Variants in TEK observed in about 807,000 individuals in gnomAD.
TEK encodes TEK receptor tyrosine kinase.
In TEK, 43 loss-of-function variants were observed where a neutral mutation model predicts 131.8. That is an observed-to-expected ratio of 0.33 (90% CI 0.26 to 0.42). TEK has a LOEUF of 0.42. Among genes scored for constraint, TEK ranks in the 10% least tolerant of loss-of-function variants. The probability of loss-of-function intolerance (pLI) is 1.00; values close to 1 mark genes in which losing one functional copy is unlikely to be tolerated. For synonymous variants in TEK, 580 were observed against 491.6 expected (o/e 1.18, Z -2.38); for missense variants, 1,162 against 1,384.4 (o/e 0.84, Z 2.55).
At chr9:27,113,100 A>T (rs17756454) in intron 1 of TEK, among the ~76,000 whole-genome samples, 4,936 of 152,336 alleles carry the variant, frequency 0.032, 99 homozygotes, top group Middle Eastern at 0.058. Flanking sequence ...AACAGCGAAC[A>T]TAGCAGGCAA....
intron 22 of TEK, among the ~76,000 whole-genome samples, chr9:27,228,832 A>T (rs1424101873): frequency 1.3e-5 from 2 of 151,782 alleles, no homozygotes; most frequent in Non-Finnish European, 2.9e-5. Flanking sequence ...ACAGATGTGA[A>T]AATGAGATTC....
intron 17 of TEK, 84 bp from the exon 18 acceptor site, chr9:27,213,400 A>ATTGT (rs1240067655): frequency 2.0e-6 from 2 of 976,136 alleles, no homozygotes; most frequent in Admixed American, 1.8e-5. Flanking sequence ...TTTTTATACT[A>ATTGT]TTGTTTTCTT....
At chr9:27,227,346 C>T (rs1826379292) in intron 21 of TEK, among the ~76,000 whole-genome samples, 1 of 152,138 alleles carries the variant, frequency 6.6e-6, no homozygotes. Context: ...ACGTGTTGTG[C>T]AAGATATAAA....
intron 1 of TEK, among the ~76,000 whole-genome samples, chr9:27,119,562 G>A (rs1821701101): frequency 6.6e-6 from 1 of 152,266 alleles, no homozygotes; most frequent in Admixed American, 6.5e-5. Context: ...AGGTGAGAGA[G>A]GCTTACACCT....
Position 27,109,640 on chromosome 9 carries a change from C to G in TEK, c.50C>G (p.Ser17Cys), listed in dbSNP as rs149096702. 5.4e-5 allele frequency: 87 copies of G among 1,614,086 alleles called. No homozygotes were observed. In the African/African-American group the frequency reaches 1.0e-3, roughly 19 times the overall value. Residue 17 changes from serine to cysteine, a missense_variant and splice_region_variant, in exon 1 of 23, where the codon TCT becomes TGT. Around this residue, in one of 6 missense-constraint regions of TEK, gnomAD observed 436 missense variants for 539.1 expected, o/e 0.81. Coordinates refer to ENST00000380036, the MANE Select transcript of TEK (RefSeq NM_000459.5). ...LVLCGVSLLL[S>C]GTVEGAMDLI... is the part of the protein sequence containing the mutation. ...CTCTGTGGAGTCAGCTTGCTCCTTT[C>G]TGGTAAGGTTTGGCTTTATTTTTTT...
intron 12 of TEK, among the ~76,000 whole-genome samples, 180 bp downstream of exon 12, chr9:27,197,779 G>T (rs1825082355): frequency 6.6e-6 from 1 of 152,146 alleles, no homozygotes; most frequent in African/African-American, 2.4e-5. Flanking sequence ...CATATATTTG[G>T]ATTTGCAATA....
chr9:27,154,867 A>G (rs1463081768), intron 1 of TEK, among the ~76,000 whole-genome samples: 2 of 152,242 alleles, frequency 1.3e-5, no homozygotes, highest in Non-Finnish European at 2.9e-5. Flanking sequence ...CACTGAAAGT[A>G]AAGGGAGATC....
Position 27,183,574 on chromosome 9 carries a change from A to C in TEK, c.1146A>C (p.Glu382Asp), listed in dbSNP as rs146464819. The change falls in exon 8 of 23, where the codon GAA becomes GAC. Residue 382 changes from glutamate to aspartate, a missense_variant. Glu to Asp is a conservative substitution (Grantham distance 45, BLOSUM62 2). Around this residue, in one of 6 missense-constraint regions of TEK, gnomAD observed 436 missense variants for 539.1 expected, o/e 0.81. Coordinates refer to ENST00000380036, the MANE Select transcript of TEK (RefSeq NM_000459.5). ...ASGWPLPTNEEMTLVKPDGTV... is the reference protein window; with the variant it reads ...ASGWPLPTNEDMTLVKPDGTV... The stretch of plus-strand genomic sequence containing the variant: ...GCTGGCCGCTACCTACTAATGAAGA[A>C]ATGACCCTGGTGAAGCCGGATGGGA... 5 of 1,613,812 alleles carry C rather than the reference A, an allele frequency of 3.1e-6. No individual in the cohort carries two copies. Among genetic ancestry groups the C allele is most frequent in the Non-Finnish European group, 4.2e-6 (5 of 1,179,856 alleles).
intron 1 of TEK, among the ~76,000 whole-genome samples, chr9:27,121,342 A>G (rs1321611020): frequency 1.3e-5 from 2 of 152,048 alleles, no homozygotes. Flanking sequence ...AAATAAATAA[A>G]AAAAATAGCT....
chr9:27,122,761 T>C (rs1311464963), intron 1 of TEK, among the ~76,000 whole-genome samples: 1 of 151,554 alleles, frequency 6.6e-6, no homozygotes, highest in Non-Finnish European at 1.5e-5. Flanking sequence ...TATCAAAAAT[T>C]GGAGGAAAGA....
At chr9:27,147,377 C>T (rs915479786) in intron 1 of TEK, among the ~76,000 whole-genome samples, 4 of 151,756 alleles carry the variant, frequency 2.6e-5, no homozygotes, top group Admixed American at 1.3e-4. Flanking sequence ...GCCATCTATA[C>T]ATTTTCTCTG....
At chr9:27,123,220 C>A (rs949606220) in intron 1 of TEK, among the ~76,000 whole-genome samples, 4 of 151,964 alleles carry the variant, frequency 2.6e-5, no homozygotes, top group African/African-American at 9.7e-5. Context: ...GCATAGATTC[C>A]TTTCTGGGAG....
intron 1 of TEK, among the ~76,000 whole-genome samples, chr9:27,144,023 C>T (rs866313049): frequency 6.6e-6 from 1 of 152,208 alleles, no homozygotes; most frequent in Non-Finnish European, 1.5e-5. Context: ...GTGGCTTACG[C>T]CTGTAATCCC....
At chr9:27,120,119 G>A (rs1397369860) in intron 1 of TEK, among the ~76,000 whole-genome samples, 1 of 152,164 alleles carries the variant, frequency 6.6e-6, no homozygotes, top group African/African-American at 2.4e-5. Flanking sequence ...AGAAGACGGT[G>A]GTGGCAGTGG....
At position 27,229,645 on chromosome 9, in the gene TEK, G is replaced by A; in HGVS notation, c.*413G>A. ...AAATATTGTTAATAAACCTAACAATGACCCTGATAGTACAGGTTAAGTGAG... is the reference window on the plus strand; with the variant it reads ...AAATATTGTTAATAAACCTAACAATAACCCTGATAGTACAGGTTAAGTGAG... On this transcript the variant is annotated 3_prime_UTR_variant, in exon 23 of 23. Transcript: ENST00000380036. The A allele has an allele frequency of 4.2e-6, 1 of 239,604 alleles. No individual in the cohort carries two copies. Among genetic ancestry groups the A allele is most frequent in the East Asian group, 9.5e-5 (1 of 10,560 alleles). 14.8% of individuals were successfully genotyped at this position (239,604 alleles called of 1,614,324 possible).
intron 1 of TEK, among the ~76,000 whole-genome samples, chr9:27,132,410 C>T (rs991502359): frequency 2.6e-5 from 4 of 152,020 alleles, no homozygotes; most frequent in Non-Finnish European, 5.9e-5. Context: ...TATAGAAGAA[C>T]CCATATTTAT....
At chr9:27,199,268 A>G (rs979329108) in intron 12 of TEK, among the ~76,000 whole-genome samples, 3 of 152,204 alleles carry the variant, frequency 2.0e-5, no homozygotes, top group African/African-American at 7.2e-5. Flanking sequence ...CTTGTCATTC[A>G]TCCTCTCCCT....
At chr9:27,221,387 G>A (rs1232720166) in intron 21 of TEK, among the ~76,000 whole-genome samples, 1 of 152,230 alleles carries the variant, frequency 6.6e-6, no homozygotes, top group East Asian at 1.9e-4. Context: ...TCTGAAGAGA[G>A]CAGTGGATCT....
At chr9:27,158,449 T>C (rs1823422550) in intron 2 of TEK, among the ~76,000 whole-genome samples, 1 of 152,210 alleles carries the variant, frequency 6.6e-6, no homozygotes, top group Non-Finnish European at 1.5e-5. Flanking sequence ...ATGAAAATCA[T>C]AGCAATGAAA....
Sources: allele counts gnomAD v4.1 joint callset (sites outside exome capture counted in the v4.1 genomes callset), GRCh38; gene constraint gnomAD v4.1.1; regional missense constraint gnomAD v4.1.1; transcripts MANE v1.5; gene names NCBI Gene and HGNC (gene_info 2026-07-23, HGNC 2026-07-21).